The following ARHGAP15 variants were observed in gnomAD, a reference collection of about 807,000 sequenced individuals.
The protein encoded by ARHGAP15 is rho GTPase-activating protein 15.
ARHGAP15 carries 51 observed loss-of-function variants against 63.7 expected under a neutral mutation model. That is an observed-to-expected ratio of 0.80 (90% confidence interval 0.64 to 1.01). The LOEUF is 1.01. ARHGAP15 is among the 50% of genes least tolerant of loss of function. The pLI is 0.00. For synonymous variants in ARHGAP15, 191 were observed against 193.8 expected, an observed-to-expected ratio of 0.99 and a Z score of 0.12; for missense variants, 560 against 564.6, an observed-to-expected ratio of 0.99 and a Z score of 0.08.
chr2:143,585,345 A>G (rs1697071284), intron 11 of ARHGAP15, among the ~76,000 whole-genome samples: 1 of 152,154 alleles, frequency 6.6e-6, no homozygotes, highest in Non-Finnish European at 1.5e-5. Context: ...TAAATAATAC[A>G]AAAATATACA....
At chr2:143,350,271 G>A (rs908070574) in intron 6 of ARHGAP15, among the ~76,000 whole-genome samples, 1 of 151,970 alleles carries the variant, frequency 6.6e-6, no homozygotes, top group East Asian at 1.9e-4. Flanking sequence ...TGTGCCTCCT[G>A]TATGTATTCT....
chr2:143,321,114 C>T (rs934528125), intron 6 of ARHGAP15, among the ~76,000 whole-genome samples: 2 of 151,806 alleles, frequency 1.3e-5, no homozygotes, highest in Admixed American at 6.6e-5. Context: ...TTCCTGGTAT[C>T]CTGAGCATTT....
At position 143,472,824 on chromosome 2, in the gene ARHGAP15, C is replaced by T. The variant is rs918077010; in HGVS notation, c.704-14549C>T. Among the ~76,000 whole-genome samples, 3 of 152,214 alleles carry T rather than the reference C, an allele frequency of 2.0e-5. No individual in the cohort carries two copies. The East Asian group carries it at 5.8e-4, about 29-fold the overall frequency. On this transcript the variant is annotated intron_variant, in intron 8 of 13. Coordinates refer to ENST00000295095, the MANE Select transcript of ARHGAP15 (RefSeq NM_018460.4). ...CAACATGGCACCAAGATCTTTTTAT[C>T]CTTATTATGCAGATGAGGAGACTGG...
chr2:143,419,745 A>T (rs980834049), intron 6 of ARHGAP15, among the ~76,000 whole-genome samples: 1 of 152,120 alleles, frequency 6.6e-6, no homozygotes, highest in African/African-American at 2.4e-5. Context: ...TATTTTGAGT[A>T]CTATGATTAG....
intron 12 of ARHGAP15, among the ~76,000 whole-genome samples, chr2:143,647,470 A>C: frequency 6.6e-6 from 1 of 152,016 alleles, no homozygotes. Flanking sequence ...GAATACACCA[A>C]AGCAGGAGTT....
chr2:143,404,620 TTAAATAAGATG>T (rs1427237630), intron 6 of ARHGAP15, among the ~76,000 whole-genome samples: 1 of 151,946 alleles, frequency 6.6e-6, no homozygotes, highest in African/African-American at 2.4e-5. Context: ...TTTGTTCAGC[TTAAATAAGATG>T]TAAACTATGA....
chr2:143,579,662 C>G (rs1696812838), intron 11 of ARHGAP15, among the ~76,000 whole-genome samples: 1 of 151,808 alleles, frequency 6.6e-6, no homozygotes, highest in South Asian at 2.1e-4. Flanking sequence ...GGCTATGCCC[C>G]ACTTAGTATA....
intron 2 of ARHGAP15, among the ~76,000 whole-genome samples, chr2:143,191,860 G>T (rs1691694873): frequency 6.6e-6 from 1 of 152,116 alleles, no homozygotes; most frequent in South Asian, 2.1e-4. Flanking sequence ...TAACCTGGAG[G>T]TAAATGAAGG....
At chr2:143,391,746 A>G (rs1319024623) in intron 6 of ARHGAP15, among the ~76,000 whole-genome samples, 2 of 152,200 alleles carry the variant, frequency 1.3e-5, no homozygotes, top group African/African-American at 2.4e-5. Flanking sequence ...AAGACTTGGA[A>G]CAGCCGAAGA....
Position 143,768,290 on chromosome 2 carries a change from G to A in ARHGAP15, c.*118G>A, listed in dbSNP as rs2072985841. On this transcript the variant is annotated 3_prime_UTR_variant, in exon 14 of 14. Coordinates refer to ENST00000295095, the MANE Select transcript of ARHGAP15 (RefSeq NM_018460.4). ...TTTCAAGCGACAGATGCCTCATTTT[G>A]TGAAAACTTAATGATGATTTTGTGT... 1.1e-6 allele frequency: 1 copy of A among 941,016 alleles called. No homozygotes were observed. Among genetic ancestry groups the A allele is most frequent in the Non-Finnish European group, 1.6e-6 (1 of 638,406 alleles). 58.3% of individuals were successfully genotyped at this position (941,016 alleles called of 1,614,324 possible).
chr2:143,747,389 TA>T (rs1334613740), intron 13 of ARHGAP15, among the ~76,000 whole-genome samples: 2 of 152,180 alleles, frequency 1.3e-5, no homozygotes, highest in Non-Finnish European at 2.9e-5. Flanking sequence ...AGACATTAAT[TA>T]AAGTCCATAG....
chr2:143,187,217 C>T (rs1437376829), intron 2 of ARHGAP15, among the ~76,000 whole-genome samples: 1 of 152,104 alleles, frequency 6.6e-6, no homozygotes, highest in Non-Finnish European at 1.5e-5. Flanking sequence ...TTGGGGAAGA[C>T]TCATTTGTCT....
chr2:143,643,525 T>G (rs184790969), intron 12 of ARHGAP15, among the ~76,000 whole-genome samples: 13 of 150,838 alleles, frequency 8.6e-5, no homozygotes, highest in South Asian at 2.1e-4. Context: ...GACTGTAAAT[T>G]TGAGGTCCCC....
At position 143,768,327 on chromosome 2, in the gene ARHGAP15, A is replaced by C; in HGVS notation, c.*155A>C. 1.4e-6 allele frequency: 1 copy of C among 726,918 alleles called. No homozygotes were observed. Among genetic ancestry groups the C allele is most frequent in the South Asian group, 1.9e-5 (1 of 51,442 alleles). The allele number at this position is 726,918 out of a possible 1,614,324, so 45.0% of individuals were successfully genotyped here. On this transcript the variant is annotated 3_prime_UTR_variant, in exon 14 of 14. Transcript: ENST00000295095. The stretch of plus-strand genomic sequence containing the variant: ...TGATGATTTTGTGTTTAAGTTCCAA[A>C]CATTTGAATAAAATAATTGACAATA...
chr2:143,739,440 T>C (rs1306731103), intron 13 of ARHGAP15, among the ~76,000 whole-genome samples: 2 of 152,224 alleles, frequency 1.3e-5, no homozygotes, highest in African/African-American at 4.8e-5. Context: ...GCAAGGTCCA[T>C]AGGCTCTTAT....
intron 8 of ARHGAP15, among the ~76,000 whole-genome samples, chr2:143,486,061 T>C (rs1189027414): frequency 6.6e-6 from 1 of 152,168 alleles, no homozygotes; most frequent in Non-Finnish European, 1.5e-5. Flanking sequence ...GAAAGCAGGA[T>C]GCAAAAATTC....
intron 6 of ARHGAP15, among the ~76,000 whole-genome samples, chr2:143,428,359 G>A (rs776640057): frequency 6.6e-6 from 1 of 151,766 alleles, no homozygotes; most frequent in Non-Finnish European, 1.5e-5. Flanking sequence ...GCACACAGGG[G>A]CTGGCATGCC....
chr2:143,729,115 C>T (rs1685419039), intron 13 of ARHGAP15, among the ~76,000 whole-genome samples: 1 of 152,166 alleles, frequency 6.6e-6, no homozygotes, highest in African/African-American at 2.4e-5. Flanking sequence ...GTCTGAGTTA[C>T]CCCTGCGGCT....
At chr2:143,136,568 T>C (rs537071456) in intron 1 of ARHGAP15, among the ~76,000 whole-genome samples, 1 of 141,216 alleles carries the variant, frequency 7.1e-6, no homozygotes, top group East Asian at 1.9e-4. Context: ...AGACTTTTTG[T>C]TGGGCCCCCG....
Sources: gnomAD v4.1 joint callset for allele counts (sites outside exome capture counted in the v4.1 genomes callset) on GRCh38, gnomAD v4.1.1 for gene constraint, MANE v1.5 for transcripts, NCBI Gene and HGNC (gene_info 2026-07-23, HGNC 2026-07-21) for gene names.